Variants in SGMS1 observed in about 807,000 individuals in gnomAD.
SGMS1 encodes sphingomyelin synthase 1.
In SGMS1, 13 loss-of-function variants were observed where a neutral mutation model predicts 46.2. The observed-to-expected ratio is 0.28, with a 90% CI of 0.18 to 0.45. The LOEUF is 0.45. Among genes scored for constraint, SGMS1 ranks in the 20% least tolerant of loss-of-function variants. The probability of loss-of-function intolerance (pLI) is 1.00; values close to 1 mark genes in which losing one functional copy is unlikely to be tolerated. For synonymous variants in SGMS1, 203 were observed against 187.8 expected, an observed-to-expected ratio of 1.08 and a Z score of -0.66; for missense variants, 324 against 519.9, an observed-to-expected ratio of 0.62 and a Z score of 3.66.
intron 2 of SGMS1, among the ~76,000 whole-genome samples, chr10:50,554,332 C>T (rs2133836580): frequency 6.6e-6 from 1 of 152,268 alleles, no homozygotes; most frequent in Middle Eastern, 3.4e-3. Context: ...CTGGAACTCA[C>T]CAAAACCTCA....
Position 50,540,254 on chromosome 10 carries a change from C to T in SGMS1, c.-588-20333G>A, listed in dbSNP as rs549085714. ...ATGCCACATGCCAATTCACACAGACCAGTAGAGTACTAAGAAAGCCAGCCC... is the reference window on the plus strand; with the variant it reads ...ATGCCACATGCCAATTCACACAGACTAGTAGAGTACTAAGAAAGCCAGCCC... On this transcript the variant is annotated intron_variant, in intron 2 of 10. Coordinates refer to ENST00000361781, the MANE Select transcript of SGMS1 (RefSeq NM_147156.4). Among the ~76,000 whole-genome samples, 3 of 152,200 alleles carry T rather than the reference C, an allele frequency of 2.0e-5. No homozygotes were observed. In the South Asian group the frequency reaches 6.2e-4, roughly 32 times the overall value.
At chr10:50,406,704 C>CTTTTTTTTTTT (rs11424535) in intron 6 of SGMS1, among the ~76,000 whole-genome samples, 4 of 145,034 alleles carry the variant, frequency 2.8e-5, no homozygotes, top group Non-Finnish European at 3.0e-5. Context: ...AGCTATAATT[C>CTTTTTTTTTTT]TTTTTTTTTT....
At chr10:50,487,342 G>A (rs1325498544) in intron 3 of SGMS1, among the ~76,000 whole-genome samples, 2 of 152,176 alleles carry the variant, frequency 1.3e-5, no homozygotes, top group African/African-American at 4.8e-5. Flanking sequence ...GGGGAAGGGG[G>A]TGGAGGGAGA....
chr10:50,620,324 C>A (rs1171336245), intron 1 of SGMS1, among the ~76,000 whole-genome samples: 4 of 152,190 alleles, frequency 2.6e-5, no homozygotes, highest in African/African-American at 9.7e-5. Flanking sequence ...TGACCAAAAG[C>A]CTTTAATAGG....
chr10:50,364,453 C>T (rs572027305), intron 6 of SGMS1, among the ~76,000 whole-genome samples: 2 of 152,202 alleles, frequency 1.3e-5, no homozygotes, highest in East Asian at 3.9e-4. Flanking sequence ...TCTGGTTGTA[C>T]TTCCCTCCAT....
At chr10:50,510,889 A>AT (rs1837747927) in intron 3 of SGMS1, among the ~76,000 whole-genome samples, 1 of 152,198 alleles carries the variant, frequency 6.6e-6, no homozygotes, top group Admixed American at 6.6e-5. Flanking sequence ...ATAGATTTAT[A>AT]TAACAATTTC....
chr10:50,480,725 C>T (rs904414508), intron 3 of SGMS1, among the ~76,000 whole-genome samples: 1 of 152,144 alleles, frequency 6.6e-6, no homozygotes, highest in African/African-American at 2.4e-5. Flanking sequence ...TGGTTTGTGG[C>T]CAGTGGCAGC....
chr10:50,463,080 GA>G (rs201809602), intron 4 of SGMS1, among the ~76,000 whole-genome samples: 3 of 149,832 alleles, frequency 2.0e-5, no homozygotes, highest in African/African-American at 7.3e-5. Context: ...CTAGCAAAAA[GA>G]AAAAAAAATA....
At chr10:50,318,473 T>C (rs1373600264) in intron 8 of SGMS1, among the ~76,000 whole-genome samples, 1 of 152,200 alleles carries the variant, frequency 6.6e-6, no homozygotes, top group East Asian at 1.9e-4. Context: ...TACTTAACAA[T>C]CCAAGTTAGG....
chr10:50,592,038 C>T (rs138072240), intron 1 of SGMS1, among the ~76,000 whole-genome samples: 26 of 152,326 alleles, frequency 1.7e-4, no homozygotes, highest in African/African-American at 6.3e-4. Flanking sequence ...AGAACCTCTT[C>T]CGGCTGCTTC....
At chr10:50,424,800 T>C (rs537602409) in intron 6 of SGMS1, among the ~76,000 whole-genome samples, 1 of 151,772 alleles carries the variant, frequency 6.6e-6, no homozygotes, top group Non-Finnish European at 1.5e-5. Flanking sequence ...TAATCCCAGC[T>C]ACTCGGGAGG....
intron 7 of SGMS1, 60 bp from the exon 8 acceptor site, chr10:50,327,382 T>C: frequency 1.0e-6 from 1 of 1,003,568 alleles, no homozygotes; most frequent in South Asian, 1.4e-5. Flanking sequence ...GTTCATTTAC[T>C]GTAATTTTTC....
chr10:50,518,102 T>C (rs961775952), intron 3 of SGMS1, among the ~76,000 whole-genome samples: 1 of 152,144 alleles, frequency 6.6e-6, no homozygotes, highest in African/African-American at 2.4e-5. Flanking sequence ...ACAATAAAAT[T>C]GACTAATTTG....
intron 2 of SGMS1, among the ~76,000 whole-genome samples, chr10:50,523,447 T>C (rs1033077375): frequency 2.6e-5 from 4 of 152,164 alleles, no homozygotes; most frequent in African/African-American, 9.7e-5. Flanking sequence ...TGCAAACAAA[T>C]GACAAGGAAA....
At chr10:50,415,088 T>C (rs1364041416) in intron 6 of SGMS1, among the ~76,000 whole-genome samples, 1 of 152,202 alleles carries the variant, frequency 6.6e-6, no homozygotes, top group African/African-American at 2.4e-5. Flanking sequence ...GCCACTGCAC[T>C]CCAGCCTGGG....
At chr10:50,466,250 G>A (rs1187984627) in intron 4 of SGMS1, among the ~76,000 whole-genome samples, 2 of 151,676 alleles carry the variant, frequency 1.3e-5, no homozygotes, top group Admixed American at 1.3e-4. Context: ...GGCTATTAGA[G>A]TACTATTTGA....
At chr10:50,556,778 A>C (rs536241374) in intron 2 of SGMS1, among the ~76,000 whole-genome samples, 7 of 152,326 alleles carry the variant, frequency 4.6e-5, no homozygotes, top group African/African-American at 9.6e-5. Flanking sequence ...AAACAGCAAA[A>C]ACAGTATTAT....
chr10:50,308,849 T>C (rs1847214042), intron 9 of SGMS1, among the ~76,000 whole-genome samples: 1 of 152,200 alleles, frequency 6.6e-6, no homozygotes, highest in African/African-American at 2.4e-5. Context: ...AGGCAAAATG[T>C]TGTTTGAATA....
upstream of SGMS1, chr10:50,624,459 C>T (rs1588896803): frequency 2.1e-6 from 1 of 486,600 alleles, no homozygotes; most frequent in Non-Finnish European, 2.7e-6. Flanking sequence ...ATTTTCAAAC[C>T]TCTAACCATA....
Sources: allele counts gnomAD v4.1 joint callset (sites outside exome capture counted in the v4.1 genomes callset), GRCh38; gene constraint gnomAD v4.1.1; transcripts MANE v1.5; gene names NCBI Gene and HGNC (gene_info 2026-07-23, HGNC 2026-07-21).